ALPP: variants seen among roughly 807,000 people sequenced by gnomAD.
ALPP encodes alkaline phosphatase, placental.
Under a neutral mutation model 50.7 loss-of-function variants are expected in ALPP, and 39 were observed. That is an observed-to-expected ratio of 0.77 (90% CI 0.60 to 1.00). The LOEUF (loss-of-function observed/expected upper bound fraction) is 1.00, where lower values mean the gene tolerates loss of function less well. ALPP is among the 50% of genes least tolerant of loss of function. The pLI is 0.00. For synonymous variants in ALPP, 226 were observed against 320.3 expected, an observed-to-expected ratio of 0.71 and a Z score of 3.14; for missense variants, 550 against 746.8, an observed-to-expected ratio of 0.74 and a Z score of 3.07.
intron 6 of ALPP, 43 bp from the exon 7 acceptor site, chr2:232,380,376 GC>G (rs770049470): frequency 2.4e-5 from 38 of 1,612,940 alleles, no homozygotes; most frequent in Admixed American, 3.3e-5. Context: ...GAGGTGTGGG[GC>G]TCAGGGCTGT....
At position 232,378,844 on chromosome 2, in the gene ALPP, C is replaced by T. The variant is rs1696646372; in HGVS notation, c.42C>T (p.Gly14=). ...PCMLLLLLLL[G]LRLQLSLGII... is the part of the protein sequence containing the mutation. Reference sequence around the variant, plus strand: ...TGCTGCTGCTGCTGCTGCTGCTGGGCCTGAGGCTACAGCTCTCCCTGGGCA... The same window carrying T: ...TGCTGCTGCTGCTGCTGCTGCTGGGTCTGAGGCTACAGCTCTCCCTGGGCA... Residue 14 remains glycine, a synonymous_variant, in exon 1 of 11, where the codon GGC becomes GGT. Transcript: ENST00000392027. 1.9e-6 allele frequency: 3 copies of T among 1,614,048 alleles called. No individual in the cohort carries two copies. Among genetic ancestry groups the T allele is most frequent in the Admixed American group, 3.3e-5 (2 of 60,016 alleles).
Position 232,381,964 on chromosome 2 carries a change from C to A in ALPP, c.*169C>A. 8.9e-7 allele frequency: 1 copy of A among 1,124,378 alleles called. No individual in the cohort carries two copies. Among genetic ancestry groups the A allele is most frequent in the Non-Finnish European group, 1.2e-6 (1 of 815,856 alleles). 69.7% of individuals were successfully genotyped at this position (1,124,378 alleles called of 1,614,324 possible). On this transcript the variant is annotated 3_prime_UTR_variant, in exon 11 of 11. Transcript: ENST00000392027. ...TGCGCTCTGGGGACTGAGCCCATGA[C>A]ACCAAACCTGCCCCTTGGCTGCTCT...
chr2:232,381,791 C>G lies in ALPP; in HGVS notation c.1604C>G (p.Pro535Arg). The G allele has an allele frequency of 1.3e-6, 2 of 1,573,878 alleles. No individual in the cohort carries two copies. Among genetic ancestry groups the G allele is most frequent in the Non-Finnish European group, 1.7e-6 (2 of 1,165,098 alleles). Reference protein sequence around the residue: ...TLLLLETATAP With the variant: ...TLLLLETATAR ...CTGCTGCTGGAGACGGCCACTGCTCCCTGAGTGTCCCGTCCCTGGGGCTCC... is the reference window on the plus strand; with the variant it reads ...CTGCTGCTGGAGACGGCCACTGCTCGCTGAGTGTCCCGTCCCTGGGGCTCC... The change falls in exon 11 of 11, where the codon CCC becomes CGC. Residue 535 changes from proline to arginine, a missense_variant. By Grantham distance (103) the Pro-to-Arg change is moderately radical (BLOSUM62 -2). This residue lies in a region of ALPP where 155 missense variants were observed against 167.6 expected (regional missense o/e 0.92). Transcript: ENST00000392027.
Position 232,381,716 on chromosome 2 carries a change from CG to C in ALPP, c.1533del (p.Arg512GlyfsTer78). The C allele has an allele frequency of 6.2e-7, 1 of 1,603,176 alleles. No individual in the cohort carries two copies. Among genetic ancestry groups the C allele is most frequent in the South Asian group, 1.1e-5 (1 of 90,076 alleles). ...GCCGGCACCACCGACGCCGCGCACC[CG>C]GGGCGGTCCGTGGTCCCCGCGTTGC... ...PPAGTTDAAHPGRSVVPALLP... is the reference protein window; with the variant it reads ...PPAGTTDAAHXGRSVVPALLP... On this transcript the variant is annotated frameshift_variant, in exon 11 of 11. Transcript: ENST00000392027. LOFTEE classifies it low-confidence loss of function (END_TRUNC).
In ALPP at chr2:232,379,216, G is replaced by A. The variant is rs753696142; in HGVS notation, c.210G>A (p.Thr70=). 7.4e-6 allele frequency: 12 copies of A among 1,613,944 alleles called. No individual in the cohort carries two copies. The highest frequency in any genetic ancestry group is 3.3e-5 in the South Asian group (3 of 91,074). Residue 70 remains threonine (T), a synonymous_variant, in exon 3 of 11, where the codon ACG becomes ACA. Coordinates refer to ENST00000392027, the MANE Select transcript of ALPP (RefSeq NM_001632.5). ...TTCCTTCAGGGATGGGGGTGTCTACGGTGACAGCTGCCAGGATCCTAAAAG... is the reference window on the plus strand; with the variant it reads ...TTCCTTCAGGGATGGGGGTGTCTACAGTGACAGCTGCCAGGATCCTAAAAG... ...IFLGDGMGVS[T]VTAARILKGQ...
At position 232,379,891 on chromosome 2, in the gene ALPP, G is replaced by A. The variant is rs781496701; in HGVS notation, c.612G>A (p.Gly204=). ...TGCCTGCCTCCGCCCGCCAGGAGGGGTGCCAGGACATCGCTACGCAGCTCA... is the reference window on the plus strand; with the variant it reads ...TGCCTGCCTCCGCCCGCCAGGAGGGATGCCAGGACATCGCTACGCAGCTCA... ...ADVPASARQE[G]CQDIATQLIS... is the part of the protein sequence containing the mutation. The change falls in exon 5 of 11, where the codon GGG becomes GGA. Residue 204 remains glycine, a synonymous_variant. Transcript: ENST00000392027. 2 of 1,613,166 alleles carry A rather than the reference G, an allele frequency of 1.2e-6. No individual in the cohort carries two copies. The highest frequency in any genetic ancestry group is 1.7e-4 in the Middle Eastern group (1 of 5,970).
chr2:232,381,974 G>A lies in ALPP; in HGVS notation c.*179G>A. 1 of 1,049,568 alleles carries A rather than the reference G, an allele frequency of 9.5e-7. No individual in the cohort carries two copies. The highest frequency in any genetic ancestry group is 1.3e-6 in the Non-Finnish European group (1 of 748,792). The allele number at this position is 1,049,568 out of a possible 1,614,324, so 65.0% of individuals were successfully genotyped here. A position where few individuals can be genotyped will look rare whatever the true frequency, so the allele number is the denominator to read the frequency against. On this transcript the variant is annotated 3_prime_UTR_variant, in exon 11 of 11. Coordinates refer to ENST00000392027, the MANE Select transcript of ALPP (RefSeq NM_001632.5). ...GGACTGAGCCCATGACACCAAACCT[G>A]CCCCTTGGCTGCTCTCGGACTCCCT...
intron 10 of ALPP, 24 bp from the exon 11 acceptor site, chr2:232,381,473 A>G (rs1463896368): frequency 2.5e-6 from 4 of 1,612,580 alleles, no homozygotes; most frequent in Non-Finnish European, 3.4e-6. Flanking sequence ...GAACCCTCCT[A>G]CCGGAACTGA....
chr2:232,382,013 G>A lies in ALPP; in HGVS notation c.*218G>A. The A allele has an allele frequency of 2.5e-6, 2 of 795,878 alleles. No homozygotes were observed. Among genetic ancestry groups the A allele is most frequent in the Non-Finnish European group, 3.9e-6 (2 of 518,576 alleles). The allele number at this position is 795,878 out of a possible 1,614,324, so 49.3% of individuals were successfully genotyped here. A position where few individuals can be genotyped will look rare whatever the true frequency, so the allele number is the denominator to read the frequency against. ...CTCGGACTCCCTACCCCAACCCCAGGGACTGCAGGTTGTGCCCTGTGGCTG... is the reference window on the plus strand; with the variant it reads ...CTCGGACTCCCTACCCCAACCCCAGAGACTGCAGGTTGTGCCCTGTGGCTG... On this transcript the variant is annotated 3_prime_UTR_variant, in exon 11 of 11. Transcript: ENST00000392027.
rs1395005639 is a variant in ALPP, at chr2:232,382,506, T to G, written c.*711T>G. On this transcript the variant is annotated 3_prime_UTR_variant, in exon 11 of 11. Coordinates refer to ENST00000392027, the MANE Select transcript of ALPP (RefSeq NM_001632.5). ...AGAGCCAAAGGTCCCTCCCCAGACA[T>G]CTGGACACTGGGCATAGATTTCTCA... is the stretch of plus-strand genomic sequence containing the variant. 1 of 152,230 alleles carries G rather than the reference T, an allele frequency of 6.6e-6. No individual in the cohort carries two copies. Among genetic ancestry groups the G allele is most frequent in the Non-Finnish European group, 1.5e-5 (1 of 68,136 alleles). 9.4% of individuals were successfully genotyped at this position (152,230 alleles called of 1,614,324 possible). A position where few individuals can be genotyped will look rare whatever the true frequency, so the allele number is the denominator to read the frequency against.
Position 232,379,048 on chromosome 2 carries a change from C to T in ALPP, c.154C>T (p.Gln52Ter), listed in dbSNP as rs1696651756. The stretch of plus-strand genomic sequence containing the variant: ...TGCCGCCAAGAAGCTGCAGCCTGCA[C>T]AGACAGCCGCCAAGAACCTCATCAT... Reference protein sequence around the residue: ...LGAAKKLQPAQTAAKNLIIFL... With the variant: ...LGAAKKLQPA Residue 52 changes from glutamine (Q) to a stop codon, truncating the protein, a stop_gained, in exon 2 of 11, where the codon CAG (glutamine) becomes TAG (stop). Transcript: ENST00000392027. LOFTEE classifies it high-confidence loss of function. 1 of 1,614,126 alleles carries T rather than the reference C, an allele frequency of 6.2e-7. No homozygotes were observed.
At chr2:232,379,991 A>C in intron 5 of ALPP, 55 bp downstream of exon 5, 1 of 1,571,146 alleles carries the variant, frequency 6.4e-7, no homozygotes, top group Non-Finnish European at 8.6e-7. Flanking sequence ...GGGAGGGGGC[A>C]CTAGCTCAGA....
At chr2:232,379,402 G>T (rs1007529941) in intron 3 of ALPP, 87 bp downstream of exon 3, 2 of 1,589,374 alleles carry the variant, frequency 1.3e-6, no homozygotes, top group South Asian at 1.1e-5. Flanking sequence ...ACCCTAAACA[G>T]CTGGGGCTCC....
rs376971995 is a variant in ALPP at position 232,381,455 on chromosome 2, A to T, written c.1310-42A>T. On this transcript the variant is annotated intron_variant, in intron 10 of 10. Coordinates refer to ENST00000392027, the MANE Select transcript of ALPP (RefSeq NM_001632.5). ...AAGGGGTCACCTCCTGTCTGCCTGG[A>T]ACTGAATGAACCCTCCTACCGGAAC... The T allele has an allele frequency of 8.1e-6, 13 of 1,612,314 alleles. 4 individuals carry two copies. In the Admixed American group the frequency reaches 1.0e-4, roughly 12 times the overall value.
chr2:232,378,863 C>A lies in ALPP; in HGVS notation c.61C>A (p.Leu21Met), dbSNP rs1469439558. The change falls in exon 1 of 11, where the codon CTG becomes ATG. Residue 21 changes from leucine (L) to methionine (M), a missense_variant. This residue lies in a region of ALPP where 376 missense variants were observed against 388.5 expected (regional missense o/e 0.97). Coordinates refer to ENST00000392027, the MANE Select transcript of ALPP (RefSeq NM_001632.5). ...LLLGLRLQLS[L>M]GIIPVEEENP... ...GCTGGGCCTGAGGCTACAGCTCTCC[C>A]TGGGCATCATCCCAGGTAATGAGGC... 1 of 1,613,974 alleles carries A rather than the reference C, an allele frequency of 6.2e-7. No individual in the cohort carries two copies. Among genetic ancestry groups the A allele is most frequent in the East Asian group, 2.2e-5 (1 of 44,894 alleles).
intron 5 of ALPP, 116 bp downstream of exon 5, chr2:232,380,052 T>C: frequency 6.4e-7 from 1 of 1,566,654 alleles, no homozygotes; most frequent in Non-Finnish European, 8.7e-7. Context: ...GAGGTGGGGT[T>C]GTGGGCGTAG....
In ALPP at chr2:232,382,781, T is replaced by A. The variant is rs1424048369; in HGVS notation, c.*986T>A. ...CGGCGGAGATTGCAGTGAGCCGAGGTCATGCCACTGCACTGCAGCCTGGGC... is the reference window on the plus strand; with the variant it reads ...CGGCGGAGATTGCAGTGAGCCGAGGACATGCCACTGCACTGCAGCCTGGGC... On this transcript the variant is annotated 3_prime_UTR_variant, in exon 11 of 11. Coordinates refer to ENST00000392027, the MANE Select transcript of ALPP (RefSeq NM_001632.5). 6.6e-6 allele frequency: 1 copy of A among 152,144 alleles called. No individual in the cohort carries two copies. Among genetic ancestry groups the A allele is most frequent in the African/African-American group, 2.4e-5 (1 of 41,432 alleles). 9.4% of individuals were successfully genotyped at this position (152,144 alleles called of 1,614,324 possible).
rs377162921 is a variant in ALPP at position 232,378,818 on chromosome 2, A to ATGCTGCTGC, written c.31_39dup (p.Leu11_Leu13dup). ...CCCTCCAGACATGCTGGGGCCCTGCATGCTGCTGCTGCTGCTGCTGCTGGG... is the reference window on the plus strand; with the variant it reads ...CCCTCCAGACATGCTGGGGCCCTGCATGCTGCTGCTGCTGCTGCTGCTGCTGCTGCTGGG... On this transcript the variant is annotated inframe_insertion, in exon 1 of 11. Transcript: ENST00000392027. 1.2e-6 allele frequency: 2 copies of ATGCTGCTGC among 1,609,812 alleles called. No homozygotes were observed. Among genetic ancestry groups the ATGCTGCTGC allele is most frequent in the Non-Finnish European group, 1.7e-6 (2 of 1,177,448 alleles).
Position 232,381,825 on chromosome 2 carries a change from C to T in ALPP, c.*30C>T. Reference sequence around the variant, plus strand: ...CCCGTCCCTGGGGCTCCTGCTTCCCCATCCCGGAGTTCTCCTGCTCCCCAC... The same window carrying T: ...CCCGTCCCTGGGGCTCCTGCTTCCCTATCCCGGAGTTCTCCTGCTCCCCAC... On this transcript the variant is annotated 3_prime_UTR_variant, in exon 11 of 11. Transcript: ENST00000392027. 1.3e-6 allele frequency: 2 copies of T among 1,538,836 alleles called. No homozygotes were observed. Among genetic ancestry groups the T allele is most frequent in the Non-Finnish European group, 1.7e-6 (2 of 1,149,020 alleles).
Sources: allele counts gnomAD v4.1 joint callset, GRCh38; gene constraint gnomAD v4.1.1; regional missense constraint gnomAD v4.1.1; transcripts MANE v1.5; gene names NCBI Gene and HGNC (gene_info 2026-07-23, HGNC 2026-07-21).